The following TSPAN14 variants were observed in gnomAD, a reference collection of about 807,000 sequenced individuals.
TSPAN14 encodes tetraspanin-14.
In TSPAN14, 16 loss-of-function variants were observed where a neutral mutation model predicts 36.6. The ratio of observed to expected loss-of-function variants is 0.44; its 90% CI spans 0.30 to 0.66. The LOEUF (loss-of-function observed/expected upper bound fraction) is 0.66. Ranked by LOEUF, TSPAN14 falls within the 30% of genes least tolerant of loss-of-function variation. TSPAN14 has a pLI of 0.12. For missense variants in TSPAN14, 231 were observed against 355.1 expected (o/e 0.65, Z 2.81); for synonymous variants, 139 against 143.8 (o/e 0.97, Z 0.24).
At chr10:80,507,443 A>G in intron 4 of TSPAN14, 69 bp downstream of exon 4, 2 of 1,604,952 alleles carry the variant, frequency 1.2e-6, no homozygotes, top group Admixed American at 1.7e-5. Flanking sequence ...GCAGGATTAT[A>G]TGTTACCTGG....
At chr10:80,498,539 A>G (rs796156468) in intron 2 of TSPAN14, among the ~76,000 whole-genome samples, 2 of 152,352 alleles carry the variant, frequency 1.3e-5, no homozygotes, top group African/African-American at 4.8e-5. Flanking sequence ...AAGCCCAGTA[A>G]AACAGGTGCC....
At chr10:80,517,756 T>C in intron 8 of TSPAN14, 149 bp from the exon 9 acceptor site, 1 of 739,824 alleles carries the variant, frequency 1.4e-6, no homozygotes, top group Non-Finnish European at 2.3e-6. Context: ...GCTGTGCCAC[T>C]CGCTCTGCGG....
chr10:80,462,182 T>C (rs1846008008), intron 1 of TSPAN14, among the ~76,000 whole-genome samples: 2 of 152,166 alleles, frequency 1.3e-5, no homozygotes, highest in African/African-American at 2.4e-5. Flanking sequence ...GGGCTACTTA[T>C]TGAACATATT....
chr10:80,516,252 G>A (rs1183245689), exon 8 of TSPAN14: 4 of 1,614,236 alleles, frequency 2.5e-6, no homozygotes, highest in Non-Finnish European at 3.4e-6. Flanking sequence ...CTGCATCCAG[G>A]CGCTGGAAAG....
intron 1 of TSPAN14, among the ~76,000 whole-genome samples, chr10:80,470,230 T>G (rs750911981): frequency 6.6e-6 from 1 of 152,186 alleles, no homozygotes; most frequent in Non-Finnish European, 1.5e-5. Flanking sequence ...AGACTACAGG[T>G]GTGCGCCACC....
Position 80,507,309 on chromosome 10 carries a change from A to G in TSPAN14, c.214A>G (p.Met72Val), listed in dbSNP as rs371378913. ...GCTGGTCCTGATGGTGGGCGTGGTGATGTTCACCCTGGGGTTCGCCGGCTG... is the reference window on the plus strand; with the variant it reads ...GCTGGTCCTGATGGTGGGCGTGGTGGTGTTCACCCTGGGGTTCGCCGGCTG... The change falls in exon 4 of 9, where the codon ATG (methionine) becomes GTG (valine). Residue 72 changes from methionine (M) to valine (V), a missense_variant. By Grantham distance (21) the Met-to-Val change is conservative. Coordinates refer to ENST00000429989, the Ensembl canonical transcript of TSPAN14. 3 of 1,614,022 alleles carry G rather than the reference A, an allele frequency of 1.9e-6. No individual in the cohort carries two copies. In the African/African-American group the frequency reaches 4.0e-5, roughly 22 times the overall value.
intron 1 of TSPAN14, among the ~76,000 whole-genome samples, chr10:80,481,495 T>C (rs1054509993): frequency 2.0e-5 from 3 of 151,954 alleles, no homozygotes; most frequent in Non-Finnish European, 2.9e-5. Flanking sequence ...CATAATAAGG[T>C]CAACTATGAA....
intron 1 of TSPAN14, among the ~76,000 whole-genome samples, chr10:80,479,063 T>C (rs1311944599): frequency 6.6e-6 from 1 of 152,038 alleles, no homozygotes; most frequent in African/African-American, 2.4e-5. Context: ...CATTTTTCCA[T>C]GTGTTTTTTG....
At chr10:80,471,013 C>G (rs908001452) in intron 1 of TSPAN14, among the ~76,000 whole-genome samples, 2 of 152,316 alleles carry the variant, frequency 1.3e-5, no homozygotes, top group Admixed American at 6.5e-5. Context: ...CTGCCCTCAT[C>G]TAGTACAAAT....
chr10:80,500,758 A>G (rs1197591499), intron 2 of TSPAN14, among the ~76,000 whole-genome samples: 2 of 152,178 alleles, frequency 1.3e-5, no homozygotes, highest in Non-Finnish European at 2.9e-5. Flanking sequence ...GGGCCTTGAG[A>G]AGAACAGCAA....
At chr10:80,504,853 C>A (rs374541905) in intron 3 of TSPAN14, 75 bp downstream of exon 3, 575 of 1,479,166 alleles carry the variant, frequency 3.9e-4, no homozygotes, top group Middle Eastern at 1.0e-3. Flanking sequence ...TTTCCCTCCT[C>A]CAATCTGTTC....
intron 2 of TSPAN14, among the ~76,000 whole-genome samples, chr10:80,493,873 AC>A (rs1035187342): frequency 1.3e-5 from 2 of 151,990 alleles, no homozygotes; most frequent in African/African-American, 4.8e-5. Context: ...GTTCATTTAT[AC>A]CCCCCACTGG....
At position 80,509,725 on chromosome 10, in the gene TSPAN14, C is replaced by G. The variant is rs998834729; in HGVS notation, c.450+254C>G. 2.1e-6 allele frequency: 1 copy of G among 485,556 alleles called. No homozygotes were observed. The highest frequency in any genetic ancestry group is 3.7e-6 in the Non-Finnish European group (1 of 269,844). The allele number at this position is 485,556 out of a possible 1,614,324, so 30.1% of individuals were successfully genotyped here. ...AGCTGTACCCGAGGCCACCCACCCCCCACGTGCCCGGCCCTCCTCTTTCGG... is the reference window on the plus strand; with the variant it reads ...AGCTGTACCCGAGGCCACCCACCCCGCACGTGCCCGGCCCTCCTCTTTCGG... On this transcript the variant is annotated intron_variant, in intron 5 of 8. Transcript: ENST00000429989. The surrounding 1 kb of genome is among the most constrained non-coding windows in gnomAD (Gnocchi z 4.7).
chr10:80,460,197 G>A (rs1013812677), intron 1 of TSPAN14, among the ~76,000 whole-genome samples: 5 of 152,294 alleles, frequency 3.3e-5, no homozygotes, highest in African/African-American at 1.2e-4. Context: ...GCCAAGGAGC[G>A]GAGTGTGGGG....
chr10:80,459,101 A>C (rs904150262), intron 1 of TSPAN14, among the ~76,000 whole-genome samples: 2 of 152,086 alleles, frequency 1.3e-5, no homozygotes, highest in Non-Finnish European at 2.9e-5. Flanking sequence ...CAAGATCCAA[A>C]GCCCCTGAGT....
chr10:80,501,951 A>G (rs1848545770), intron 2 of TSPAN14, among the ~76,000 whole-genome samples: 1 of 152,200 alleles, frequency 6.6e-6, no homozygotes, highest in Non-Finnish European at 1.5e-5. Flanking sequence ...TGGCCTCAGA[A>G]GGGCTTAGCT....
chr10:80,504,851 C>A, intron 3 of TSPAN14, 73 bp downstream of exon 3: 1 of 1,502,938 alleles, frequency 6.7e-7, no homozygotes, highest in Non-Finnish European at 9.3e-7. Context: ...ATTTTCCCTC[C>A]TCCAATCTGT....
intron 2 of TSPAN14, among the ~76,000 whole-genome samples, chr10:80,497,193 AG>A (rs1258000106): frequency 6.6e-6 from 1 of 152,160 alleles, no homozygotes. Flanking sequence ...TTACAGTTTT[AG>A]GCTATTAAGA....
intron 1 of TSPAN14, among the ~76,000 whole-genome samples, chr10:80,488,264 G>A (rs1847736172): frequency 1.3e-5 from 2 of 152,202 alleles, no homozygotes; most frequent in Admixed American, 6.5e-5. Flanking sequence ...GACCGTGGAG[G>A]ACTTCGGGGT....
Sources: allele counts gnomAD v4.1 joint callset (sites outside exome capture counted in the v4.1 genomes callset), GRCh38; gene constraint gnomAD v4.1.1; non-coding constraint Gnocchi (gnomAD v3.1); transcripts MANE v1.5; gene names NCBI Gene and HGNC (gene_info 2026-07-23, HGNC 2026-07-21).